NXPH1: variants seen among roughly 807,000 people sequenced by gnomAD.
The protein encoded by NXPH1 is neurexophilin-1.
NXPH1 carries 5 observed loss-of-function variants against 23.7 expected under a neutral mutation model. The ratio of observed to expected loss-of-function variants is 0.21; its 90% CI spans 0.11 to 0.44. The LOEUF is 0.44. Among genes scored for constraint, NXPH1 ranks in the 20% least tolerant of loss-of-function variants. The probability of loss-of-function intolerance (pLI) is 0.99; values close to 1 mark genes in which losing one functional copy is unlikely to be tolerated. For synonymous variants in NXPH1, 144 were observed against 122.2 expected (o/e 1.18, Z -1.18); for missense variants, 324 against 321.6 (o/e 1.01, Z -0.06).
In NXPH1 at chr7:8,435,681, A is replaced by C; in HGVS notation, c.-33A>C. 6.2e-7 allele frequency: 1 copy of C among 1,607,780 alleles called. No individual in the cohort carries two copies. The stretch of plus-strand genomic sequence containing the variant: ...TTCTGAAGGAACAAAGACTCAAAGA[A>C]GGCACCGCCAAGGAAGTTTGAGACG... On this transcript the variant is annotated 5_prime_UTR_variant, in exon 2 of 3. Transcript: ENST00000405863. The surrounding 1 kb of genome is among the most constrained non-coding windows in gnomAD (Gnocchi z 5.9).
intron 2 of NXPH1, among the ~76,000 whole-genome samples, chr7:8,734,055 G>A (rs190679484): frequency 2.6e-5 from 4 of 152,138 alleles, no homozygotes; most frequent in Admixed American, 2.0e-4. Flanking sequence ...TTTGTATAAG[G>A]TGTAAGGAAG....
intron 2 of NXPH1, among the ~76,000 whole-genome samples, chr7:8,748,506 C>T (rs1041519825): frequency 6.6e-6 from 1 of 152,198 alleles, no homozygotes. Flanking sequence ...ACTGCATACA[C>T]GAGGCTGGTC....
chr7:8,669,760 C>T (rs1820837691), intron 2 of NXPH1, among the ~76,000 whole-genome samples: 1 of 152,278 alleles, frequency 6.6e-6, no homozygotes, highest in African/African-American at 2.4e-5. Flanking sequence ...TCTCCCCATG[C>T]TGTGCTGCAG....
chr7:8,489,209 G>T (rs1817208930), intron 2 of NXPH1, among the ~76,000 whole-genome samples: 1 of 152,034 alleles, frequency 6.6e-6, no homozygotes, highest in Admixed American at 6.6e-5. Flanking sequence ...CCTATCTAGG[G>T]ATGTTCTCTT....
At chr7:8,609,386 C>T (rs1819569876) in intron 2 of NXPH1, among the ~76,000 whole-genome samples, 1 of 152,062 alleles carries the variant, frequency 6.6e-6, no homozygotes, top group African/African-American at 2.4e-5. Flanking sequence ...GTCTAAAAAA[C>T]TGGCAATGGA....
chr7:8,540,298 G>T (rs1193346661), intron 2 of NXPH1, among the ~76,000 whole-genome samples: 1 of 151,908 alleles, frequency 6.6e-6, no homozygotes, highest in Non-Finnish European at 1.5e-5. Context: ...TGGGACTTCT[G>T]CTGTCGGTAA....
chr7:8,494,830 G>A (rs901149100), intron 2 of NXPH1, among the ~76,000 whole-genome samples: 1 of 151,992 alleles, frequency 6.6e-6, no homozygotes, highest in East Asian at 1.9e-4. Context: ...AGCTTTTATG[G>A]GCACAGAGTA....
chr7:8,663,060 T>A (rs1157332623), intron 2 of NXPH1, among the ~76,000 whole-genome samples: 2 of 152,076 alleles, frequency 1.3e-5, no homozygotes, highest in African/African-American at 4.8e-5. Context: ...GGGAGATGAA[T>A]GCTTGCCTAC....
intron 2 of NXPH1, among the ~76,000 whole-genome samples, chr7:8,652,699 T>G (rs1407156879): frequency 2.6e-5 from 4 of 152,300 alleles, no homozygotes; most frequent in African/African-American, 9.6e-5. Flanking sequence ...TCTATTTTCT[T>G]TAACCGAGGT....
At chr7:8,750,836 A>T (rs552522551) in intron 2 of NXPH1, among the ~76,000 whole-genome samples, 172 bp from the exon 3 acceptor site, 5 of 152,044 alleles carry the variant, frequency 3.3e-5, no homozygotes, top group African/African-American at 1.2e-4. Flanking sequence ...TAATTCTGAG[A>T]CTCTGGGAGA....
At chr7:8,467,452 C>T (rs1006938315) in intron 2 of NXPH1, among the ~76,000 whole-genome samples, 2 of 152,160 alleles carry the variant, frequency 1.3e-5, no homozygotes, top group Non-Finnish European at 2.9e-5. Flanking sequence ...TATTATGGCT[C>T]CCCTTAGGAC....
At chr7:8,691,475 C>A (rs1821219946) in intron 2 of NXPH1, among the ~76,000 whole-genome samples, 1 of 152,164 alleles carries the variant, frequency 6.6e-6, no homozygotes, top group African/African-American at 2.4e-5. Context: ...AATGTCACCT[C>A]TACAAAAACA....
At chr7:8,571,555 C>T (rs929983585) in intron 2 of NXPH1, among the ~76,000 whole-genome samples, 7 of 151,768 alleles carry the variant, frequency 4.6e-5, no homozygotes, top group Non-Finnish European at 1.0e-4. Flanking sequence ...CTTAAGAAAG[C>T]GGTTATCTTA....
chr7:8,509,654 G>A (rs1033094476), intron 2 of NXPH1, among the ~76,000 whole-genome samples: 2 of 152,054 alleles, frequency 1.3e-5, no homozygotes, highest in African/African-American at 4.8e-5. Context: ...TTTCATCTGA[G>A]AGAGGAGAGT....
chr7:8,658,816 T>C (rs969603448), intron 2 of NXPH1, among the ~76,000 whole-genome samples: 4 of 152,198 alleles, frequency 2.6e-5, no homozygotes, highest in African/African-American at 4.8e-5. Flanking sequence ...TTGATTAATG[T>C]GCATACAAAG....
intron 2 of NXPH1, among the ~76,000 whole-genome samples, chr7:8,636,481 A>G (rs1820220404): frequency 6.6e-6 from 1 of 152,224 alleles, no homozygotes; most frequent in Non-Finnish European, 1.5e-5. Flanking sequence ...ACAGCCCATA[A>G]TGATGTGCCT....
chr7:8,466,746 C>G (rs558456630), intron 2 of NXPH1, among the ~76,000 whole-genome samples: 1 of 152,246 alleles, frequency 6.6e-6, no homozygotes, highest in East Asian at 1.9e-4. Flanking sequence ...TTTGGGAAGT[C>G]AAGTTCTAGT....
chr7:8,460,049 T>C (rs1816666637), intron 2 of NXPH1, among the ~76,000 whole-genome samples: 1 of 152,190 alleles, frequency 6.6e-6, no homozygotes, highest in South Asian at 2.1e-4. Context: ...CTTCTGTTAG[T>C]TTTGTTCAGA....
intron 2 of NXPH1, among the ~76,000 whole-genome samples, chr7:8,710,631 A>C (rs973739088): frequency 6.9e-6 from 1 of 144,064 alleles, no homozygotes; most frequent in Non-Finnish European, 1.5e-5. Flanking sequence ...AAAGCATGTC[A>C]ACTGTTACGT....
Sources: allele counts gnomAD v4.1 joint callset (sites outside exome capture counted in the v4.1 genomes callset), GRCh38; gene constraint gnomAD v4.1.1; non-coding constraint Gnocchi (gnomAD v3.1); transcripts MANE v1.5; gene names NCBI Gene and HGNC (gene_info 2026-07-23, HGNC 2026-07-21).